Variants in GLIS3 observed in about 807,000 individuals in gnomAD.
The protein encoded by GLIS3 is GLIS family zinc finger 3, also known as zinc finger protein GLIS3.
In GLIS3, 53 loss-of-function variants were observed where a neutral mutation model predicts 78.6. The ratio of observed to expected loss-of-function variants is 0.67; its 90% CI spans 0.54 to 0.85. GLIS3 has a LOEUF of 0.85. GLIS3 is among the 40% of genes least tolerant of loss of function. The pLI, the probability that GLIS3 is intolerant of heterozygous loss-of-function variation, is 0.00. For missense variants in GLIS3, 1,703 were observed against 1,231.1 expected (o/e 1.38, Z -5.74); for synonymous variants, 684 against 509.9 (o/e 1.34, Z -4.60).
intron 2 of GLIS3, among the ~76,000 whole-genome samples, chr9:4,148,322 C>T (rs549726759): frequency 8.7e-4 from 132 of 152,246 alleles, no homozygotes; most frequent in African/African-American, 3.1e-3. Flanking sequence ...TTCAGACATA[C>T]TCCACTCCAG....
Position 3,978,973 on chromosome 9 carries a change from G to A in GLIS3, c.1711-41784C>T, listed in dbSNP as rs542053406. On this transcript the variant is annotated intron_variant, in intron 4 of 10. Coordinates refer to ENST00000381971, the MANE Select transcript of GLIS3 (RefSeq NM_001042413.2). Reference sequence around the variant, plus strand: ...ATTATAAATAATCTAGAGATTATCTGATGTATACAGGATGTGTGTAGGTTG... The same window carrying A: ...ATTATAAATAATCTAGAGATTATCTAATGTATACAGGATGTGTGTAGGTTG... Among the ~76,000 whole-genome samples the A allele has an allele frequency of 1.5e-3, 231 of 152,262 alleles. 1 individual carries two copies. The highest frequency in any genetic ancestry group is 5.4e-3 in the African/African-American group (224 of 41,540).
At chr9:4,413,622 G>A in the GLIS3 span, among the ~76,000 whole-genome samples, 1 of 151,940 alleles carries the variant, frequency 6.6e-6, no homozygotes, top group African/African-American at 2.4e-5. Flanking sequence ...TCTGTAAAGG[G>A]CCCAGATTTG....
At chr9:4,428,483 CAAA>C in the GLIS3 span, among the ~76,000 whole-genome samples, 8 of 48,456 alleles carry the variant, frequency 1.7e-4, no homozygotes, top group South Asian at 7.7e-4. Context: ...GACTCTGTCT[CAAA>C]AAAAAAAAAA....
At chr9:4,331,538 A>G (rs558390334) in intron 2 of GLIS3, among the ~76,000 whole-genome samples, 1 of 152,284 alleles carries the variant, frequency 6.6e-6, no homozygotes, top group South Asian at 2.1e-4. Context: ...TGGTCCGTTG[A>G]AGCAGAAGTT....
chr9:4,089,813 G>A (rs1010315461), intron 4 of GLIS3, among the ~76,000 whole-genome samples: 3 of 152,036 alleles, frequency 2.0e-5, no homozygotes, highest in Admixed American at 2.0e-4. Context: ...ACAAGACCCT[G>A]ACAAAAACAA....
chr9:3,913,994 C>T (rs1002993333), intron 6 of GLIS3, among the ~76,000 whole-genome samples: 1 of 152,034 alleles, frequency 6.6e-6, no homozygotes, highest in African/African-American at 2.4e-5. Context: ...GCCCCAAAGA[C>T]AAATGAAATC....
At chr9:4,262,329 G>T (rs1359078047) in intron 2 of GLIS3, among the ~76,000 whole-genome samples, 1 of 152,116 alleles carries the variant, frequency 6.6e-6, no homozygotes, top group Non-Finnish European at 1.5e-5. Context: ...AATTCACTCA[G>T]TGGCTCACAG....
At chr9:4,085,986 C>T (rs1828990562) in intron 4 of GLIS3, among the ~76,000 whole-genome samples, 1 of 152,154 alleles carries the variant, frequency 6.6e-6, no homozygotes, top group Non-Finnish European at 1.5e-5. Context: ...TGGCCTAATA[C>T]AATTATCCTT....
intron 4 of GLIS3, among the ~76,000 whole-genome samples, chr9:4,088,015 C>T (rs540569156): frequency 6.6e-6 from 1 of 152,210 alleles, no homozygotes; most frequent in South Asian, 2.1e-4. Flanking sequence ...ACTAACAACT[C>T]CTCAATGCCT....
At position 4,162,297 on chromosome 9, in the gene GLIS3, T is replaced by A. The variant is rs145811296; in HGVS notation, c.389-36356A>T. On this transcript the variant is annotated intron_variant, in intron 2 of 10. Transcript: ENST00000381971. Reference sequence around the variant, plus strand: ...CTCATTTTTTTAACTTGATTACATCTACAAAAGCTCTATCTCCAGAAAAAC... The same window carrying A: ...CTCATTTTTTTAACTTGATTACATCAACAAAAGCTCTATCTCCAGAAAAAC... Among the ~76,000 whole-genome samples the A allele has an allele frequency of 5.3e-3, 810 of 152,294 alleles. 8 individuals carry two copies. Among genetic ancestry groups the A allele is most frequent in the African/African-American group, 0.019 (784 of 41,560 alleles).
At chr9:4,370,109 T>C in the GLIS3 span, among the ~76,000 whole-genome samples, 36 of 147,540 alleles carry the variant, frequency 2.4e-4, no homozygotes, top group South Asian at 3.2e-3. Context: ...GGAGAATCAC[T>C]TGAACCCAGG....
intron 2 of GLIS3, among the ~76,000 whole-genome samples, chr9:4,131,318 T>C (rs535693399): frequency 1.3e-5 from 2 of 152,322 alleles, no homozygotes; most frequent in South Asian, 4.1e-4. Context: ...TGATTGTATT[T>C]TGCAATGTTT....
intron 2 of GLIS3, among the ~76,000 whole-genome samples, chr9:4,317,031 A>T (rs1316533513): frequency 6.6e-6 from 1 of 152,230 alleles, no homozygotes; most frequent in Non-Finnish European, 1.5e-5. Context: ...TGTCCCTTCA[A>T]GGAGATTAAT....
At chr9:4,469,354 T>G in the GLIS3 span, among the ~76,000 whole-genome samples, 4 of 151,982 alleles carry the variant, frequency 2.6e-5, no homozygotes, top group Non-Finnish European at 5.9e-5. Flanking sequence ...CACCACACAA[T>G]ACCTATTCCA....
chr9:4,255,376 G>A (rs1824826106), intron 2 of GLIS3, among the ~76,000 whole-genome samples: 1 of 152,156 alleles, frequency 6.6e-6, no homozygotes, highest in South Asian at 2.1e-4. Context: ...ACCCAAAGGA[G>A]TTGAAAACTT....
intron 2 of GLIS3, among the ~76,000 whole-genome samples, chr9:4,274,919 A>G (rs1826846779): frequency 6.6e-6 from 1 of 152,254 alleles, no homozygotes; most frequent in Non-Finnish European, 1.5e-5. Flanking sequence ...GTCCTACACC[A>G]CAAGTTGCAT....
intron 2 of GLIS3, among the ~76,000 whole-genome samples, chr9:4,256,186 A>C (rs1824919813): frequency 6.6e-6 from 1 of 152,230 alleles, no homozygotes. Flanking sequence ...TAAAAAGAGC[A>C]TCACAGTTCA....
intron 2 of GLIS3, among the ~76,000 whole-genome samples, chr9:4,243,336 G>C (rs1359067379): frequency 6.6e-6 from 1 of 152,036 alleles, no homozygotes. Context: ...ACTTTCCCTG[G>C]TAGTCAGGTG....
At chr9:3,925,699 G>C (rs1246161008) in intron 6 of GLIS3, among the ~76,000 whole-genome samples, 1 of 152,106 alleles carries the variant, frequency 6.6e-6, no homozygotes, top group East Asian at 1.9e-4. Context: ...CCTCAACCTT[G>C]AACTTAAACA....
Sources: allele counts gnomAD v4.1 joint callset (sites outside exome capture counted in the v4.1 genomes callset), GRCh38; gene constraint gnomAD v4.1.1; transcripts MANE v1.5; gene names NCBI Gene and HGNC (gene_info 2026-07-23, HGNC 2026-07-21).